BFSP2: variants seen among roughly 807,000 people sequenced by gnomAD.
The protein encoded by BFSP2 is phakinin.
A neutral mutation model predicts 44.9 loss-of-function variants in BFSP2; 38 were observed. That is an observed-to-expected ratio of 0.85 (90% CI 0.65 to 1.11). BFSP2 has a LOEUF of 1.11. BFSP2 is among the 50% of genes least tolerant of loss of function. BFSP2 has a pLI of 0.00. For missense variants in BFSP2, 525 were observed against 533.0 expected, an observed-to-expected ratio of 0.99 and a Z score of 0.15; for synonymous variants, 197 against 209.9, an observed-to-expected ratio of 0.94 and a Z score of 0.53.
chr3:133,410,387 G>C (rs2073439217), intron 1 of BFSP2: 1 of 301,830 alleles, frequency 3.3e-6, no homozygotes, highest in African/African-American at 2.2e-5. Context: ...GGGAGCAGAA[G>C]ACCAGAGAAA....
intron 1 of BFSP2, among the ~76,000 whole-genome samples, chr3:133,404,506 T>A (rs968801416): frequency 6.6e-6 from 1 of 152,108 alleles, no homozygotes; most frequent in Admixed American, 6.5e-5. Flanking sequence ...GGTACATCGG[T>A]CCAATGGCCG....
chr3:133,425,731 T>A (rs1456373845), intron 1 of BFSP2, among the ~76,000 whole-genome samples: 1 of 147,508 alleles, frequency 6.8e-6, no homozygotes, highest in Non-Finnish European at 1.5e-5. Flanking sequence ...TGGCTGTTTC[T>A]AGCCCAGTTG....
chr3:133,450,615 A>C, intron 4 of BFSP2, 151 bp downstream of exon 4: 1 of 980,588 alleles, frequency 1.0e-6, no homozygotes, highest in Non-Finnish European at 1.5e-6. Flanking sequence ...AATTAAAATA[A>C]TAGCTTTTTG....
chr3:133,428,995 C>T (rs1193117441), intron 1 of BFSP2, among the ~76,000 whole-genome samples: 2 of 151,600 alleles, frequency 1.3e-5, no homozygotes, highest in East Asian at 1.9e-4. Flanking sequence ...ACCTAATACT[C>T]AGCATTGTCA....
At position 133,446,570 on chromosome 3, in the gene BFSP2, T is replaced by TTTTATA. The variant is rs1559973751; in HGVS notation, c.490-746_490-745insTTATAT. ...CCTATCAGAGCCTTCAGCTCACCAT[T>TTTTATA]TATATATATATATATATATATATAT... On this transcript the variant is annotated intron_variant, in intron 1 of 6. Transcript: ENST00000302334. Among the ~76,000 whole-genome samples the TTTTATA allele has an allele frequency of 4.9e-4, 11 of 22,386 alleles. 5 individuals are homozygous for TTTTATA. The highest frequency in any genetic ancestry group is 1.4e-3 in the Non-Finnish European group (9 of 6,564). The allele number at this position is 22,386 out of a possible 152,430, so 14.7% of individuals were successfully genotyped here.
At chr3:133,401,569 C>G (rs2073362979) in intron 1 of BFSP2, among the ~76,000 whole-genome samples, 1 of 152,134 alleles carries the variant, frequency 6.6e-6, no homozygotes, top group Non-Finnish European at 1.5e-5. Context: ...CATGTCTGGC[C>G]TGCAGCCTGT....
At chr3:133,453,995 A>G (rs2073990630) in intron 4 of BFSP2, among the ~76,000 whole-genome samples, 1 of 152,220 alleles carries the variant, frequency 6.6e-6, no homozygotes, top group African/African-American at 2.4e-5. Flanking sequence ...CAGTGATGAC[A>G]GGATCAGATT....
intron 1 of BFSP2, among the ~76,000 whole-genome samples, chr3:133,413,657 G>A (rs1419267332): frequency 6.6e-6 from 1 of 151,984 alleles, no homozygotes; most frequent in African/African-American, 2.4e-5. Context: ...TCATTGATCT[G>A]GTTGTAAACG....
chr3:133,406,604 C>T (rs1055746451), intron 1 of BFSP2, among the ~76,000 whole-genome samples: 1 of 152,316 alleles, frequency 6.6e-6, no homozygotes, highest in African/African-American at 2.4e-5. Flanking sequence ...CTTCATTGAT[C>T]TCTGCATCTC....
chr3:133,467,062 A>T, intron 5 of BFSP2, 103 bp downstream of exon 5: 1 of 1,496,974 alleles, frequency 6.7e-7, no homozygotes, highest in Non-Finnish European at 9.2e-7. Flanking sequence ...TTCCCATCTC[A>T]CAGCATATGA....
intron 4 of BFSP2, among the ~76,000 whole-genome samples, chr3:133,463,102 A>T (rs1363080868): frequency 2.0e-5 from 3 of 152,162 alleles, no homozygotes; most frequent in Admixed American, 2.0e-4. Flanking sequence ...TGAGGTCAGG[A>T]TTTCGAGACC....
intron 1 of BFSP2, among the ~76,000 whole-genome samples, chr3:133,444,216 A>G (rs371278242): frequency 6.6e-6 from 1 of 152,154 alleles, no homozygotes; most frequent in African/African-American, 2.4e-5. Flanking sequence ...AAACCCATCA[A>G]ATTCATTCGA....
At chr3:133,474,281 C>A (rs13087036) in intron 6 of BFSP2, among the ~76,000 whole-genome samples, 1,987 of 152,272 alleles carry the variant, frequency 0.013, 30 homozygotes, top group Non-Finnish European at 0.019. Flanking sequence ...TATCATCCAA[C>A]CCCTCCTGAT....
intron 5 of BFSP2, among the ~76,000 whole-genome samples, chr3:133,468,498 A>C (rs1431500566): frequency 1.3e-5 from 2 of 152,212 alleles, no homozygotes; most frequent in Non-Finnish European, 2.9e-5. Flanking sequence ...GGAACACCCA[A>C]AAATGGCTTC....
chr3:133,433,235 C>T lies in BFSP2; in HGVS notation c.490-14082C>T, dbSNP rs181762622. On this transcript the variant is annotated intron_variant, in intron 1 of 6. Coordinates refer to ENST00000302334, the MANE Select transcript of BFSP2 (RefSeq NM_003571.4). ...CCCATTTCCCCATATTTGCTTCTTT[C>T]CTGTTCCTCACCCTGATCACACTTA... 3.7e-3 allele frequency among the ~76,000 whole-genome samples: 561 copies of T among 152,312 alleles called. 3 individuals are homozygous for T. The highest frequency in any genetic ancestry group is 6.7e-3 in the Admixed American group (102 of 15,294).
intron 1 of BFSP2, among the ~76,000 whole-genome samples, chr3:133,408,881 G>A (rs2073425576): frequency 6.6e-6 from 1 of 152,170 alleles, no homozygotes; most frequent in African/African-American, 2.4e-5. Context: ...GGAGGGTGGA[G>A]GGGAAAAAGT....
At chr3:133,450,847 C>G (rs1201801299) in intron 4 of BFSP2, among the ~76,000 whole-genome samples, 1 of 152,152 alleles carries the variant, frequency 6.6e-6, no homozygotes, top group Non-Finnish European at 1.5e-5. Flanking sequence ...CGTGGTAGCT[C>G]ACGCCTGTAA....
chr3:133,403,708 G>A lies in BFSP2; in HGVS notation c.489+3136G>A, dbSNP rs568486777. ...TTCAGAGGGGGAGAAGAGTTGGAAA[G>A]GAGACAGGCTCTCCTCCCTGCCATC... is the stretch of plus-strand genomic sequence containing the variant. On this transcript the variant is annotated intron_variant, in intron 1 of 6. Coordinates refer to ENST00000302334, the MANE Select transcript of BFSP2 (RefSeq NM_003571.4). Among the ~76,000 whole-genome samples, 3 of 152,294 alleles carry A rather than the reference G, an allele frequency of 2.0e-5. No homozygotes were observed. The South Asian group carries it at 6.2e-4, about 32-fold the overall frequency.
At chr3:133,440,900 A>G (rs1408274119) in intron 1 of BFSP2, among the ~76,000 whole-genome samples, 1 of 151,988 alleles carries the variant, frequency 6.6e-6, no homozygotes, top group Non-Finnish European at 1.5e-5. Flanking sequence ...GTGAAATCCA[A>G]CCTTAGCCCT....
Sources: allele counts gnomAD v4.1 joint callset (sites outside exome capture counted in the v4.1 genomes callset), GRCh38; gene constraint gnomAD v4.1.1; transcripts MANE v1.5; gene names NCBI Gene and HGNC (gene_info 2026-07-23, HGNC 2026-07-21).